ENTHD1: variants seen among roughly 807,000 people sequenced by gnomAD.
ENTHD1 encodes ENTH domain-containing protein 1.
In ENTHD1, 23 loss-of-function variants were observed where a neutral mutation model predicts 39.1. The observed-to-expected ratio is 0.59, with a 90% CI of 0.42 to 0.83. The LOEUF (loss-of-function observed/expected upper bound fraction) is 0.83. Among genes scored for constraint, ENTHD1 ranks in the 40% least tolerant of loss-of-function variants. The probability of loss-of-function intolerance (pLI) is 0.00; values close to 1 mark genes in which losing one functional copy is unlikely to be tolerated. For missense variants in ENTHD1, 624 were observed against 705.4 expected, an observed-to-expected ratio of 0.88 and a Z score of 1.31; for synonymous variants, 230 against 258.2, an observed-to-expected ratio of 0.89 and a Z score of 1.05.
intron 2 of ENTHD1, among the ~76,000 whole-genome samples, chr22:39,883,177 A>G (rs2066353753): frequency 6.6e-6 from 1 of 151,510 alleles, no homozygotes; most frequent in Non-Finnish European, 1.5e-5. Flanking sequence ...AAATGAATGC[A>G]CTATGCTTCT....
At chr22:39,763,467 C>T (rs1247254607) in intron 6 of ENTHD1, among the ~76,000 whole-genome samples, 1 of 152,162 alleles carries the variant, frequency 6.6e-6, no homozygotes, top group East Asian at 1.9e-4. Flanking sequence ...TACCGTGTCT[C>T]CCAAGCTCAG....
At chr22:39,782,945 G>A (rs2065421776) in intron 5 of ENTHD1, among the ~76,000 whole-genome samples, 1 of 152,082 alleles carries the variant, frequency 6.6e-6, no homozygotes, top group Non-Finnish European at 1.5e-5. Context: ...TTAGGTAACA[G>A]AAGAAATAAA....
At chr22:39,808,284 A>T (rs2065659643) in intron 5 of ENTHD1, among the ~76,000 whole-genome samples, 1 of 152,010 alleles carries the variant, frequency 6.6e-6, no homozygotes, top group Non-Finnish European at 1.5e-5. Context: ...CCTCCTGTAC[A>T]TGTTCGTGTC....
At chr22:39,828,544 T>C (rs1341413796) in intron 4 of ENTHD1, among the ~76,000 whole-genome samples, 1 of 152,160 alleles carries the variant, frequency 6.6e-6, no homozygotes, top group Non-Finnish European at 1.5e-5. Context: ...ATGAAGGCAG[T>C]AGGAAACAAA....
intron 5 of ENTHD1, among the ~76,000 whole-genome samples, chr22:39,794,192 T>C (rs962586553): frequency 6.6e-6 from 1 of 152,226 alleles, no homozygotes; most frequent in Admixed American, 6.5e-5. Context: ...GTTAAAATAC[T>C]CCTAGGTATT....
intron 5 of ENTHD1, among the ~76,000 whole-genome samples, chr22:39,789,740 A>T (rs1408724455): frequency 1.3e-5 from 2 of 152,210 alleles, no homozygotes; most frequent in Non-Finnish European, 2.9e-5. Flanking sequence ...TGAACAACTG[A>T]ACAAGTATTT....
At chr22:39,859,891 G>A (rs574691999) in intron 3 of ENTHD1, among the ~76,000 whole-genome samples, 56 of 152,320 alleles carry the variant, frequency 3.7e-4, no homozygotes, top group Non-Finnish European at 7.1e-4. Context: ...TCTGTGAAGT[G>A]TAATTAAGCA....
rs527525996 is a variant in ENTHD1 at position 39,796,340 on chromosome 22, G to A, written c.832+24653C>T. Among the ~76,000 whole-genome samples the A allele has an allele frequency of 3.6e-3, 552 of 151,892 alleles. 5 individuals are homozygous for A. Among genetic ancestry groups the A allele is most frequent in the African/African-American group, 0.012 (485 of 41,414 alleles). On this transcript the variant is annotated intron_variant, in intron 5 of 6. Transcript: ENST00000325157. ...CAGGCTGGAGTGCAATGGTGTGAAC[G>A]TGGCTCACTGCAGCCTCAACCTCCT...
At chr22:39,863,957 C>T (rs1042263319) in intron 2 of ENTHD1, among the ~76,000 whole-genome samples, 2 of 152,204 alleles carry the variant, frequency 1.3e-5, no homozygotes, top group African/African-American at 4.8e-5. Context: ...GTTATTTCTT[C>T]CTTCCAAATC....
intron 4 of ENTHD1, among the ~76,000 whole-genome samples, chr22:39,827,261 C>T (rs543565315): frequency 1.3e-5 from 2 of 152,170 alleles, no homozygotes; most frequent in Admixed American, 1.3e-4. Flanking sequence ...GTGATCCACC[C>T]GCCTCAGCCT....
chr22:39,762,920 G>A (rs2065247352), intron 6 of ENTHD1, among the ~76,000 whole-genome samples: 1 of 151,688 alleles, frequency 6.6e-6, no homozygotes, highest in Non-Finnish European at 1.5e-5. Context: ...TATATTTCTG[G>A]CCGTTTTTTC....
At position 39,743,982 on chromosome 22, in the gene ENTHD1, G is replaced by A. The variant is rs761705077; in HGVS notation, c.1521C>T (p.His507=). The A allele has an allele frequency of 6.2e-7, 1 of 1,614,154 alleles. No homozygotes were observed. The highest frequency in any genetic ancestry group is 1.7e-5 in the Admixed American group (1 of 60,016). ...ACTCCCCCCAGTGACTACTAGAAAT[G>A]TGACTTATATTCTTTTTAGCAGAAT... The part of the protein sequence containing the change: ...NSDSAKKNIS[H]ISSSHWGEFS... Residue 507 remains histidine (H), a synonymous_variant, in exon 7 of 7, where the codon CAC becomes CAT. Transcript: ENST00000325157.
chr22:39,772,356 G>A (rs1269921767), intron 5 of ENTHD1, among the ~76,000 whole-genome samples: 1 of 152,136 alleles, frequency 6.6e-6, no homozygotes, highest in East Asian at 1.9e-4. Flanking sequence ...GTCACAGACT[G>A]GTACCAGTCC....
chr22:39,876,003 G>A, intron 2 of ENTHD1: 1 of 1,613,922 alleles, frequency 6.2e-7, no homozygotes, highest in Non-Finnish European at 8.5e-7. Flanking sequence ...TACTGCCCTT[G>A]CCATGGGTCA....
chr22:39,773,096 C>A, intron 5 of ENTHD1, among the ~76,000 whole-genome samples: 1 of 99,342 alleles, frequency 1.0e-5, no homozygotes, highest in African/African-American at 4.0e-5. Context: ...ACAGCCTGGG[C>A]AACATAGTGA....
At chr22:39,802,608 C>T (rs1006325871) in intron 5 of ENTHD1, among the ~76,000 whole-genome samples, 3 of 152,150 alleles carry the variant, frequency 2.0e-5, no homozygotes, top group Non-Finnish European at 2.9e-5. Context: ...TATGACCCAC[C>T]TTGGGGAAGA....
intron 3 of ENTHD1, among the ~76,000 whole-genome samples, chr22:39,855,996 G>A (rs901221953): frequency 5.3e-5 from 8 of 152,132 alleles, no homozygotes; most frequent in East Asian, 3.9e-4. Context: ...CCTCGTGGCC[G>A]GGCGCGGTGG....
At chr22:39,825,063 T>C (rs2065816234) in intron 4 of ENTHD1, among the ~76,000 whole-genome samples, 2 of 152,154 alleles carry the variant, frequency 1.3e-5, no homozygotes, top group Admixed American at 1.3e-4. Context: ...ACATGATAGG[T>C]CTCTATTTGG....
chr22:39,861,684 T>C, intron 3 of ENTHD1, 81 bp downstream of exon 3: 1 of 1,146,114 alleles, frequency 8.7e-7, no homozygotes, highest in Middle Eastern at 3.3e-4. Flanking sequence ...AATAATTTAG[T>C]ACTAAAACAT....
Sources: allele counts gnomAD v4.1 joint callset (sites outside exome capture counted in the v4.1 genomes callset), GRCh38; gene constraint gnomAD v4.1.1; transcripts MANE v1.5; gene names NCBI Gene and HGNC (gene_info 2026-07-23, HGNC 2026-07-21).